The following RASGRF2 variants were observed in gnomAD, a reference collection of about 807,000 sequenced individuals.
RASGRF2 encodes the protein Ras protein specific guanine nucleotide releasing factor 2, also known as ras-specific guanine nucleotide-releasing factor 2.
RASGRF2 carries 76 observed loss-of-function variants against 151.0 expected under a neutral mutation model. That is an observed-to-expected ratio of 0.50 (90% CI 0.42 to 0.61). The LOEUF (loss-of-function observed/expected upper bound fraction) is 0.61. Ranked by LOEUF, RASGRF2 falls within the 20% of genes least tolerant of loss-of-function variation. The pLI is 0.00. For missense variants in RASGRF2, 1,148 were observed against 1,564.6 expected, an observed-to-expected ratio of 0.73 and a Z score of 4.49; for synonymous variants, 504 against 566.5, an observed-to-expected ratio of 0.89 and a Z score of 1.57.
intron 1 of RASGRF2, among the ~76,000 whole-genome samples, chr5:80,993,890 G>T (rs539528748): frequency 1.3e-5 from 2 of 152,274 alleles, no homozygotes; most frequent in South Asian, 4.1e-4. Context: ...GGGTTTCCAT[G>T]TACCTTGGCC....
chr5:80,969,650 A>C (rs1164911703), intron 1 of RASGRF2, among the ~76,000 whole-genome samples: 1 of 148,396 alleles, frequency 6.7e-6, no homozygotes. Flanking sequence ...ACGGGGTTTC[A>C]CCGTGTTAGC....
At chr5:81,139,111 TTTG>T (rs914343739) in intron 17 of RASGRF2, among the ~76,000 whole-genome samples, 23 of 152,338 alleles carry the variant, frequency 1.5e-4, no homozygotes, top group Admixed American at 6.5e-4. Flanking sequence ...AAATCTTACA[TTTG>T]TTTTGTTGCA....
At chr5:81,118,556 G>A (rs554235739) in intron 15 of RASGRF2, among the ~76,000 whole-genome samples, 6 of 152,234 alleles carry the variant, frequency 3.9e-5, no homozygotes, top group Admixed American at 2.0e-4. Context: ...ATAACACCTG[G>A]CTCTCTTTTA....
intron 24 of RASGRF2, 109 bp downstream of exon 24, chr5:81,216,064 TAAATG>T: frequency 9.0e-7 from 1 of 1,115,504 alleles, no homozygotes. Context: ...AAAAGAAAAA[TAAATG>T]GGAAACAACT....
intron 17 of RASGRF2, among the ~76,000 whole-genome samples, chr5:81,162,207 A>G (rs1322992218): frequency 7.3e-6 from 1 of 136,190 alleles, no homozygotes; most frequent in Non-Finnish European, 1.6e-5. Flanking sequence ...GGTGGGGGAC[A>G]TGGGGGGCAG....
intron 1 of RASGRF2, among the ~76,000 whole-genome samples, chr5:80,969,244 T>C (rs1211733164): frequency 6.7e-6 from 1 of 148,700 alleles, no homozygotes; most frequent in Admixed American, 6.7e-5. Context: ...GATTCTCCTG[T>C]GTAAGCCTCC....
Position 81,073,331 on chromosome 5 carries a change from T to G in RASGRF2, c.766T>G (p.Ser256Ala). 1 of 1,613,992 alleles carries G rather than the reference T, an allele frequency of 6.2e-7. No individual in the cohort carries two copies. Residue 256 changes from serine (S) to alanine (A), a missense_variant, in exon 5 of 27, where the codon TCA becomes GCA. By Grantham distance (99) the Ser-to-Ala change is moderately conservative. Coordinates refer to ENST00000265080, the MANE Select transcript of RASGRF2 (RefSeq NM_006909.3). Reference sequence around the variant, plus strand: ...TGTGTTCACCATGGTGGAGGCAGAGTCAGAGTACGTTCACCAGCTCTACAT... The same window carrying G: ...TGTGTTCACCATGGTGGAGGCAGAGGCAGAGTACGTTCACCAGCTCTACAT... ...QIVFTMVEAE[S>A]EYVHQLYILV... is the part of the protein sequence containing the mutation.
At chr5:81,188,028 A>C (rs1421739909) in intron 18 of RASGRF2, among the ~76,000 whole-genome samples, 2 of 152,176 alleles carry the variant, frequency 1.3e-5, no homozygotes, top group Admixed American at 1.3e-4. Flanking sequence ...GAAAAGTGAA[A>C]GAAACAACCA....
In RASGRF2 at chr5:80,989,913, G is replaced by A. The variant is rs942970462; in HGVS notation, c.288+28887G>A. Among the ~76,000 whole-genome samples the A allele has an allele frequency of 3.9e-5, 6 of 152,280 alleles. No individual in the cohort carries two copies. In the East Asian group the frequency reaches 1.2e-3, roughly 29 times the overall value. On this transcript the variant is annotated intron_variant, in intron 1 of 26. Transcript: ENST00000265080. ...AGGTGAGAGGGATGGTGAGCCCTTG[G>A]AGAGCTATTTCCTCACTTCAGACCA... is the stretch of plus-strand genomic sequence containing the variant.
intron 17 of RASGRF2, among the ~76,000 whole-genome samples, chr5:81,136,335 A>G (rs1753753910): frequency 1.3e-5 from 2 of 152,218 alleles, no homozygotes; most frequent in South Asian, 4.1e-4. Flanking sequence ...TCTGCCAGCA[A>G]TGAATTCCTC....
intron 1 of RASGRF2, among the ~76,000 whole-genome samples, chr5:80,996,891 T>C (rs1748902451): frequency 6.6e-6 from 1 of 152,000 alleles, no homozygotes; most frequent in South Asian, 2.1e-4. Flanking sequence ...TGTATGTATT[T>C]ATAGGCTTAG....
chr5:81,127,941 A>G (rs535057741), intron 17 of RASGRF2, among the ~76,000 whole-genome samples: 3 of 151,370 alleles, frequency 2.0e-5, no homozygotes, highest in South Asian at 2.1e-4. Flanking sequence ...AAAAAAAAAA[A>G]AAAAAAGAAA....
intron 2 of RASGRF2, among the ~76,000 whole-genome samples, chr5:81,045,663 G>C (rs1580248097): frequency 1.0e-5 from 1 of 96,800 alleles, no homozygotes; most frequent in East Asian, 2.4e-4. Context: ...CCCTTGACTT[G>C]AGACCTAGGA....
chr5:81,176,669 A>T (rs1201792002), intron 17 of RASGRF2, among the ~76,000 whole-genome samples: 1 of 152,094 alleles, frequency 6.6e-6, no homozygotes, highest in Admixed American at 6.5e-5. Flanking sequence ...GTGCAGGCTG[A>T]GGTATGTGTT....
At chr5:81,050,513 C>T (rs143877) in intron 2 of RASGRF2, among the ~76,000 whole-genome samples, 56,395 of 151,882 alleles carry the variant, frequency 0.37, 10,770 homozygotes, top group Middle Eastern at 0.62. Flanking sequence ...CCAGTCCAAG[C>T]GAGGCCCCTC....
At chr5:81,179,761 G>C (rs1035773960) in intron 17 of RASGRF2, among the ~76,000 whole-genome samples, 2 of 152,156 alleles carry the variant, frequency 1.3e-5, no homozygotes, top group Non-Finnish European at 2.9e-5. Flanking sequence ...CCAAGATATG[G>C]CCTAATTCAT....
At chr5:81,166,967 G>A (rs1030660138) in intron 17 of RASGRF2, among the ~76,000 whole-genome samples, 26 of 152,216 alleles carry the variant, frequency 1.7e-4, no homozygotes, top group African/African-American at 6.3e-4. Context: ...GCTTTTGAAA[G>A]AAGGGAAATT....
intron 1 of RASGRF2, among the ~76,000 whole-genome samples, chr5:81,003,413 C>T (rs965983508): frequency 2.6e-4 from 40 of 152,172 alleles, no homozygotes; most frequent in Admixed American, 1.9e-3. Context: ...TTAGTAGAGA[C>T]AGGGTTTCAC....
At chr5:81,139,768 G>A (rs750778857) in intron 17 of RASGRF2, among the ~76,000 whole-genome samples, 7 of 151,834 alleles carry the variant, frequency 4.6e-5, no homozygotes, top group African/African-American at 9.7e-5. Context: ...CACAAAAGGC[G>A]CCTATCAAAA....
Sources: gnomAD v4.1 joint callset for allele counts (sites outside exome capture counted in the v4.1 genomes callset) on GRCh38, gnomAD v4.1.1 for gene constraint, MANE v1.5 for transcripts, NCBI Gene and HGNC (gene_info 2026-07-23, HGNC 2026-07-21) for gene names.